ZBTB17: variants seen among roughly 807,000 people sequenced by gnomAD.
ZBTB17 encodes the protein zinc finger and BTB domain-containing protein 17.
ZBTB17 carries 24 observed loss-of-function variants against 85.1 expected under a neutral mutation model. That is an observed-to-expected ratio of 0.28 (90% CI 0.20 to 0.40). The LOEUF (loss-of-function observed/expected upper bound fraction) is 0.40, where lower values mean the gene tolerates loss of function less well. Ranked by LOEUF, ZBTB17 falls within the 10% of genes least tolerant of loss-of-function variation. ZBTB17 has a pLI of 1.00. For synonymous variants in ZBTB17, 464 were observed against 460.2 expected (o/e 1.01, Z -0.11); for missense variants, 743 against 1,105.1 (o/e 0.67, Z 4.65).
chr1:15,976,040 G>A lies in ZBTB17; in HGVS notation c.-147C>T, dbSNP rs2072870291. The A allele has an allele frequency of 4.3e-6, 3 of 695,858 alleles. No homozygotes were observed. Among genetic ancestry groups the A allele is most frequent in the Non-Finnish European group, 7.9e-6 (3 of 381,646 alleles). 43.1% of individuals were successfully genotyped at this position (695,858 alleles called of 1,614,324 possible). On this transcript the variant is annotated 5_prime_UTR_variant, in exon 1 of 16. Transcript: ENST00000375743. Reference sequence around the variant, plus strand: ...GTGCATCACGGCCGCGAGAAGGCCGGGGACGGCACTCCAGAGCAGACAAAG... The same window carrying A: ...GTGCATCACGGCCGCGAGAAGGCCGAGGACGGCACTCCAGAGCAGACAAAG...
intron 2 of ZBTB17, among the ~76,000 whole-genome samples, chr1:15,949,831 G>A (rs924857006): frequency 1.3e-5 from 2 of 152,216 alleles, no homozygotes; most frequent in Admixed American, 6.5e-5. Context: ...CTCCCACCAC[G>A]TGATGTCTGG....
chr1:15,947,148 C>A lies in ZBTB17; in HGVS notation c.206-25G>T, dbSNP rs2071642863. 2.5e-6 allele frequency: 4 copies of A among 1,588,156 alleles called. No homozygotes were observed. In the East Asian group the frequency reaches 6.8e-5, roughly 27 times the overall value. Reference sequence around the variant, plus strand: ...CCTACCAAGGACAGGACAGCTGTCACAGACCCACCTCAAGATCCGGCACCG... The same window carrying A: ...CCTACCAAGGACAGGACAGCTGTCAAAGACCCACCTCAAGATCCGGCACCG... On this transcript the variant is annotated intron_variant, in intron 3 of 15. Coordinates refer to ENST00000375743, the MANE Select transcript of ZBTB17 (RefSeq NM_003443.3).
At chr1:15,958,157 A>G (rs1346729406) in intron 2 of ZBTB17, among the ~76,000 whole-genome samples, 2 of 152,262 alleles carry the variant, frequency 1.3e-5, no homozygotes, top group East Asian at 3.8e-4. Context: ...TGAGACAACT[A>G]GCAGATAGGA....
rs2072454216 is a variant in ZBTB17 at position 15,966,717 on chromosome 1, C to CCA, written c.-3+6320_-3+6321dup. ...CATAAGGATTCTCTGTGCTGGCATT[C>CCA]CACACACACGCAGCAAGGTTCAATG... On this transcript the variant is annotated intron_variant, in intron 2 of 15. Coordinates refer to ENST00000375743, the MANE Select transcript of ZBTB17 (RefSeq NM_003443.3). This position sits in a 1 kb window ranked among gnomAD's most constrained non-coding sequence, Gnocchi z 4.1. Among the ~76,000 whole-genome samples the CCA allele has an allele frequency of 6.6e-6, 1 of 152,096 alleles. No individual in the cohort carries two copies. The highest frequency in any genetic ancestry group is 6.5e-5 in the Admixed American group (1 of 15,272).
At chr1:15,954,207 C>T (rs949170690) in intron 2 of ZBTB17, among the ~76,000 whole-genome samples, 2 of 152,150 alleles carry the variant, frequency 1.3e-5, no homozygotes, top group African/African-American at 2.4e-5. Context: ...GGAGTGCATG[C>T]CCAGAGTGCT....
rs1289264408 is a variant in ZBTB17 at position 15,959,498 on chromosome 1, A to AAGAGGGAGG, written c.-2-11010_-2-11002dup. The stretch of plus-strand genomic sequence containing the variant: ...GAGAAAAAGAGGAGGGAAGGGAAGG[A>AAGAGGGAGG]AGAGGGAGGAGAGGGAGGGAGGGAG... On this transcript the variant is annotated intron_variant, in intron 2 of 15. Transcript: ENST00000375743. Among the ~76,000 whole-genome samples, 16 of 127,436 alleles carry AAGAGGGAGG rather than the reference A, an allele frequency of 1.3e-4. No homozygotes were observed. The East Asian group carries it at 4.2e-3, about 34-fold the overall frequency. The allele number at this position is 127,436 out of a possible 152,430, so 83.6% of individuals were successfully genotyped here.
Position 15,946,311 on chromosome 1 carries a change from G to A in ZBTB17, c.395-17C>T, listed in dbSNP as rs112062500. 3.3e-3 allele frequency: 5,253 copies of A among 1,600,748 alleles called. 46 individuals are homozygous for A. The highest frequency in any genetic ancestry group is 0.02 in the South Asian group (1,860 of 90,794). ...TGTCCCCTCCTGGAGATGGAACAGG[G>A]CAGACCTGCCGTTTCCCATCAAGTG... On this transcript the variant is annotated splice_polypyrimidine_tract_variant and intron_variant, in intron 4 of 15. Transcript: ENST00000375743.
At chr1:15,968,885 A>G (rs1242229023) in intron 2 of ZBTB17, among the ~76,000 whole-genome samples, 1 of 152,202 alleles carries the variant, frequency 6.6e-6, no homozygotes, top group Non-Finnish European at 1.5e-5. Context: ...ACCTTGCAGC[A>G]GGAGGTAAGT....
intron 2 of ZBTB17, among the ~76,000 whole-genome samples, chr1:15,968,167 T>C (rs1450457473): frequency 6.6e-6 from 1 of 152,180 alleles, no homozygotes; most frequent in African/African-American, 2.4e-5. Flanking sequence ...GAAACCATCT[T>C]CTGACCAAAA....
intron 2 of ZBTB17, among the ~76,000 whole-genome samples, chr1:15,960,925 C>T (rs140928080): frequency 6.6e-6 from 1 of 152,268 alleles, no homozygotes; most frequent in African/African-American, 2.4e-5. Context: ...CCAGCCTGGG[C>T]AACATGGTGA....
intron 1 of ZBTB17, 103 bp downstream of exon 1, chr1:15,975,880 T>C (rs1570241408): frequency 3.8e-6 from 1 of 262,124 alleles, no homozygotes; most frequent in Non-Finnish European, 7.6e-6. Flanking sequence ...TTCCCTCCCC[T>C]CCCCCACACA....
chr1:15,946,800 G>A, intron 4 of ZBTB17, 135 bp downstream of exon 4: 3 of 1,166,826 alleles, frequency 2.6e-6, no homozygotes, highest in Non-Finnish European at 3.5e-6. Context: ...TCAGACCTGA[G>A]GCTAACCCTT....
intron 2 of ZBTB17, among the ~76,000 whole-genome samples, chr1:15,955,473 G>C (rs1010774734): frequency 6.6e-4 from 100 of 152,270 alleles, no homozygotes; most frequent in African/African-American, 2.3e-3. Context: ...TTCCACTGGA[G>C]AGTACCCATT....
chr1:15,943,943 C>T (rs1370721958), intron 9 of ZBTB17, 48 bp from the exon 10 acceptor site: 3 of 1,529,666 alleles, frequency 2.0e-6, no homozygotes, highest in African/African-American at 1.4e-5. Flanking sequence ...AGCTCGGCCC[C>T]GGGCCCCCTC....
Position 15,941,917 on chromosome 1 carries a change from C to T in ZBTB17, c.*52G>A, listed in dbSNP as rs921993436. On this transcript the variant is annotated 3_prime_UTR_variant, in exon 16 of 16. Coordinates refer to ENST00000375743, the MANE Select transcript of ZBTB17 (RefSeq NM_003443.3). Reference sequence around the variant, plus strand: ...TCTCTAGGGAACAGGCCACCCTTCCCGGTTCCAGGGTGCCATCCATCCTTA... The same window carrying T: ...TCTCTAGGGAACAGGCCACCCTTCCTGGTTCCAGGGTGCCATCCATCCTTA... The T allele has an allele frequency of 1.3e-5, 20 of 1,550,196 alleles. No individual in the cohort carries two copies. Among genetic ancestry groups the T allele is most frequent in the African/African-American group, 5.4e-5 (4 of 73,878 alleles).
intron 2 of ZBTB17, among the ~76,000 whole-genome samples, chr1:15,955,227 G>A (rs1030854266): frequency 9.9e-5 from 15 of 152,146 alleles, no homozygotes; most frequent in Admixed American, 1.3e-4. Flanking sequence ...AGGCTTGTGA[G>A]CATGAAACCT....
chr1:15,976,001 C>G lies in ZBTB17; in HGVS notation c.-108G>C. ...CACTCACCTGCCATGTCCCGGACCC[C>G]ACCGCAGAGGGAGGTGCATCACGGC... On this transcript the variant is annotated 5_prime_UTR_variant, in exon 1 of 16. Transcript: ENST00000375743. 2 of 699,336 alleles carry G rather than the reference C, an allele frequency of 2.9e-6. No individual in the cohort carries two copies. The highest frequency in any genetic ancestry group is 4.0e-5 in the Admixed American group (2 of 49,684). 43.3% of individuals were successfully genotyped at this position (699,336 alleles called of 1,614,324 possible). A position where few individuals can be genotyped will look rare whatever the true frequency, so the allele number is the denominator to read the frequency against.
At chr1:15,974,407 T>G (rs2072785574) in intron 1 of ZBTB17, among the ~76,000 whole-genome samples, 1 of 150,024 alleles carries the variant, frequency 6.7e-6, no homozygotes, top group African/African-American at 2.5e-5. Context: ...ACTCCTGGGC[T>G]CAAATGATCA....
rs12748210 is a variant in ZBTB17 at position 15,971,502 on chromosome 1, T to C, written c.-3+1537A>G. ...TATATATACACACACTATATATATA[T>C]ACACACACACTATATATATACACAC... On this transcript the variant is annotated intron_variant, in intron 2 of 15. Coordinates refer to ENST00000375743, the MANE Select transcript of ZBTB17 (RefSeq NM_003443.3). Among the ~76,000 whole-genome samples the C allele has an allele frequency of 4.6e-3, 125 of 27,100 alleles. 5 individuals carry two copies. The highest frequency in any genetic ancestry group is 8.2e-3 in the Non-Finnish European group (80 of 9,742). 17.8% of individuals were successfully genotyped at this position (27,100 alleles called of 152,430 possible). A position where few individuals can be genotyped will look rare whatever the true frequency, so the allele number is the denominator to read the frequency against.
Sources: gnomAD v4.1 joint callset for allele counts (sites outside exome capture counted in the v4.1 genomes callset) on GRCh38, gnomAD v4.1.1 for gene constraint, Gnocchi (gnomAD v3.1) non-coding constraint, MANE v1.5 for transcripts, NCBI Gene and HGNC (gene_info 2026-07-23, HGNC 2026-07-21) for gene names.